PKP4: variants seen among roughly 807,000 people sequenced by gnomAD.
PKP4 encodes the protein plakophilin-4.
PKP4 carries 90 observed loss-of-function variants against 145.1 expected under a neutral mutation model. The observed-to-expected ratio is 0.62, with a 90% CI of 0.52 to 0.74. The LOEUF (loss-of-function observed/expected upper bound fraction) is 0.74, where lower values mean the gene tolerates loss of function less well. PKP4 is among the 30% of genes least tolerant of loss of function. The pLI is 0.00. For missense variants in PKP4, 1,340 were observed against 1,482.7 expected (o/e 0.90, Z 1.58); for synonymous variants, 563 against 577.2 (o/e 0.98, Z 0.35).
rs778573347 is a variant in PKP4, at chr2:158,673,921, G to A, written c.3048G>A (p.Ser1016=). ...AGAACCATTTTATTACACCTGTGTC[G>A]ACATTGGAGCGAGACCGATTCAAAT... The part of the protein sequence containing the change: ...WNQNHFITPV[S]TLERDRFKSH... Residue 1016 remains serine, a synonymous_variant, in exon 19 of 22, where the codon TCG becomes TCA. Transcript: ENST00000389759. 82 of 1,613,002 alleles carry A rather than the reference G, an allele frequency of 5.1e-5. No homozygotes were observed. Among genetic ancestry groups the A allele is most frequent in the Non-Finnish European group, 2.8e-5 (33 of 1,179,114 alleles).
At chr2:158,655,023 AT>A (rs1264933452) in intron 11 of PKP4, among the ~76,000 whole-genome samples, 1 of 152,170 alleles carries the variant, frequency 6.6e-6, no homozygotes, top group Non-Finnish European at 1.5e-5. Context: ...TTAAAAAAAA[AT>A]CAACATGTAG....
At chr2:158,535,410 AATT>A (rs1469077058) in intron 2 of PKP4, among the ~76,000 whole-genome samples, 2 of 152,118 alleles carry the variant, frequency 1.3e-5, no homozygotes, top group African/African-American at 2.4e-5. Context: ...TGGGATGCAT[AATT>A]ATTATTACTT....
rs751675720 is a variant in PKP4 at position 158,661,381 on chromosome 2, C to T, written c.2142C>T (p.Cys714=). The T allele has an allele frequency of 1.4e-5, 22 of 1,613,860 alleles. No individual in the cohort carries two copies. Among genetic ancestry groups the T allele is most frequent in the Non-Finnish European group, 1.5e-5 (18 of 1,179,800 alleles). ...AAGCTCGGAAGCAAATGCGGTCCTGCGAGGGGCTGGTAGACTCACTGTTGT... is the reference window on the plus strand; with the variant it reads ...AAGCTCGGAAGCAAATGCGGTCCTGTGAGGGGCTGGTAGACTCACTGTTGT... ...GEEARKQMRS[C]EGLVDSLLYV... Residue 714 remains cysteine, a synonymous_variant, in exon 13 of 22, where the codon TGC becomes TGT. Transcript: ENST00000389759.
chr2:158,574,852 A>C (rs2047709853), intron 2 of PKP4, among the ~76,000 whole-genome samples: 1 of 152,222 alleles, frequency 6.6e-6, no homozygotes, highest in African/African-American at 2.4e-5. Context: ...AATTCAGTCC[A>C]TAAGAATGTT....
At chr2:158,546,766 G>A (rs977081272) in intron 2 of PKP4, among the ~76,000 whole-genome samples, 1 of 152,174 alleles carries the variant, frequency 6.6e-6, no homozygotes, top group African/African-American at 2.4e-5. Context: ...TACGAAACCA[G>A]GCCTGGTGCA....
chr2:158,673,725 A>G lies in PKP4; in HGVS notation c.2973A>G (p.Leu991=), dbSNP rs1342433316. The G allele has an allele frequency of 6.2e-7, 1 of 1,613,390 alleles. No individual in the cohort carries two copies. The highest frequency in any genetic ancestry group is 1.7e-5 in the Admixed American group (1 of 60,032). ...CAGCAGCCCAGGTCTTGAATACATT[A>G]TGGCAATATCGGGACCTCCGGAGCA... ...VKAAAQVLNT[L]WQYRDLRSIY... Residue 991 remains leucine (L), a synonymous_variant, in exon 18 of 22, where the codon TTA becomes TTG. Coordinates refer to ENST00000389759, the MANE Select transcript of PKP4 (RefSeq NM_003628.6).
rs902717854 is a variant in PKP4, at chr2:158,523,816, C to A, written c.-5-9364C>A. On this transcript the variant is annotated intron_variant, in intron 1 of 21. Coordinates refer to ENST00000389759, the MANE Select transcript of PKP4 (RefSeq NM_003628.6). The stretch of plus-strand genomic sequence containing the variant: ...GCTGATGGAGCTGAAAACCAAGGCT[C>A]GAGAACTACGTGAAGAATGCAGAAG... Among the ~76,000 whole-genome samples the A allele has an allele frequency of 2.2e-3, 292 of 130,724 alleles. 3 individuals carry two copies. Among genetic ancestry groups the A allele is most frequent in the Admixed American group, 5.6e-3 (69 of 12,392 alleles). The allele number at this position is 130,724 out of a possible 152,430, so 85.8% of individuals were successfully genotyped here. A position where few individuals can be genotyped will look rare whatever the true frequency, so the allele number is the denominator to read the frequency against.
chr2:158,502,501 A>T (rs1291438903), intron 1 of PKP4, among the ~76,000 whole-genome samples: 1 of 152,188 alleles, frequency 6.6e-6, no homozygotes, highest in African/African-American at 2.4e-5. Flanking sequence ...CCTCACCTTG[A>T]GTTCTCTAAC....
intron 7 of PKP4, among the ~76,000 whole-genome samples, chr2:158,631,529 A>G (rs1428612165): frequency 6.6e-6 from 1 of 151,696 alleles, no homozygotes; most frequent in Non-Finnish European, 1.5e-5. Flanking sequence ...GATCACAGAC[A>G]TACACCACCA....
intron 13 of PKP4, 96 bp from the exon 14 acceptor site, chr2:158,662,801 A>T: frequency 1.1e-6 from 1 of 881,262 alleles, no homozygotes; most frequent in South Asian, 2.6e-5. Flanking sequence ...GTTCTTTCAT[A>T]TTTCCCATTT....
chr2:158,570,409 A>G (rs908965366), intron 2 of PKP4, among the ~76,000 whole-genome samples: 8 of 152,250 alleles, frequency 5.3e-5, no homozygotes, highest in South Asian at 2.1e-4. Context: ...GGAACAGGAC[A>G]TAAACCTGCC....
At chr2:158,576,543 G>A (rs2047869990) in intron 2 of PKP4, among the ~76,000 whole-genome samples, 1 of 152,156 alleles carries the variant, frequency 6.6e-6, no homozygotes, top group Non-Finnish European at 1.5e-5. Context: ...TACAAATAAA[G>A]TTAAAACATT....
chr2:158,463,837 G>A (rs751828303), intron 1 of PKP4, among the ~76,000 whole-genome samples: 8 of 152,256 alleles, frequency 5.3e-5, no homozygotes, highest in East Asian at 1.9e-4. Flanking sequence ...AATATGTGTC[G>A]CAGCCAGACA....
At chr2:158,554,436 T>A (rs925217884) in intron 2 of PKP4, among the ~76,000 whole-genome samples, 6 of 150,996 alleles carry the variant, frequency 4.0e-5, no homozygotes, top group African/African-American at 1.5e-4. Flanking sequence ...ATTATTTTTT[T>A]TTTTTTTGAG....
chr2:158,583,408 T>C (rs2048503130), intron 3 of PKP4, among the ~76,000 whole-genome samples: 1 of 152,220 alleles, frequency 6.6e-6, no homozygotes, highest in African/African-American at 2.4e-5. Context: ...CCGTATTTTA[T>C]TGATTGTGGA....
intron 16 of PKP4, 157 bp from the exon 17 acceptor site, chr2:158,669,563 G>A (rs1174152075): frequency 4.4e-6 from 2 of 459,604 alleles, no homozygotes; most frequent in Non-Finnish European, 7.6e-6. Context: ...AATGACATTT[G>A]TCCTTTTCTT....
chr2:158,464,328 A>G (rs567604277), intron 1 of PKP4, among the ~76,000 whole-genome samples: 32 of 152,348 alleles, frequency 2.1e-4, no homozygotes, highest in African/African-American at 7.7e-4. Flanking sequence ...TTACATATAG[A>G]CAATCTACCA....
intron 2 of PKP4, among the ~76,000 whole-genome samples, chr2:158,559,512 A>G (rs1034638157): frequency 1.3e-5 from 2 of 151,940 alleles, no homozygotes; most frequent in Admixed American, 6.6e-5. Flanking sequence ...AGGAACCCTG[A>G]CCTAGCCTGG....
intron 1 of PKP4, among the ~76,000 whole-genome samples, chr2:158,522,782 C>T (rs911350717): frequency 8.5e-5 from 13 of 152,210 alleles, no homozygotes; most frequent in African/African-American, 1.2e-4. Flanking sequence ...GCGCACCGTG[C>T]GCGAGCCAAA....
Sources: gnomAD v4.1 joint callset for allele counts (sites outside exome capture counted in the v4.1 genomes callset) on GRCh38, gnomAD v4.1.1 for gene constraint, MANE v1.5 for transcripts, NCBI Gene and HGNC (gene_info 2026-07-23, HGNC 2026-07-21) for gene names.